The following LRRC8C variants were observed in gnomAD, a reference collection of about 807,000 sequenced individuals.
LRRC8C encodes volume-regulated anion channel subunit LRRC8C.
LRRC8C carries 20 observed loss-of-function variants against 55.3 expected under a neutral mutation model. The ratio of observed to expected loss-of-function variants is 0.36; its 90% CI spans 0.25 to 0.53. LRRC8C has a LOEUF of 0.53. Ranked by LOEUF, LRRC8C falls within the 20% of genes least tolerant of loss-of-function variation. The probability of loss-of-function intolerance (pLI) is 0.92; values close to 1 mark genes in which losing one functional copy is unlikely to be tolerated. For missense variants in LRRC8C, 659 were observed against 951.4 expected, an observed-to-expected ratio of 0.69 and a Z score of 4.04; for synonymous variants, 376 against 360.7, an observed-to-expected ratio of 1.04 and a Z score of -0.48.
intron 1 of LRRC8C, among the ~76,000 whole-genome samples, chr1:89,656,231 C>T (rs1656941758): frequency 6.6e-6 from 1 of 152,234 alleles, no homozygotes; most frequent in African/African-American, 2.4e-5. Context: ...GCCTCAGCTG[C>T]TAACCATCCT....
intron 1 of LRRC8C, among the ~76,000 whole-genome samples, chr1:89,657,539 G>A (rs1248820984): frequency 6.6e-6 from 1 of 151,872 alleles, no homozygotes; most frequent in Non-Finnish European, 1.5e-5. Context: ...TCAGGAGTTC[G>A]AGACCAGCCT....
intron 2 of LRRC8C, among the ~76,000 whole-genome samples, chr1:89,705,106 A>T (rs915794153): frequency 1.3e-5 from 2 of 151,940 alleles, no homozygotes; most frequent in African/African-American, 4.8e-5. Context: ...AAAAATGATG[A>T]GTTCATGTCC....
At chr1:89,697,934 G>C (rs1025347956) in intron 2 of LRRC8C, among the ~76,000 whole-genome samples, 5 of 152,128 alleles carry the variant, frequency 3.3e-5, no homozygotes, top group Admixed American at 6.5e-5. Context: ...TTAAAAAAAT[G>C]AACATTAATA....
chr1:89,677,191 C>T (rs1341833882), intron 1 of LRRC8C, among the ~76,000 whole-genome samples: 2 of 152,128 alleles, frequency 1.3e-5, no homozygotes, highest in Non-Finnish European at 2.9e-5. Context: ...GCCACACCCA[C>T]CAACACCCTT....
chr1:89,626,100 A>G, the LRRC8C span, among the ~76,000 whole-genome samples: 2 of 152,184 alleles, frequency 1.3e-5, no homozygotes, highest in South Asian at 4.1e-4. Context: ...ACACATGCAA[A>G]CTTTTTAGAA....
Position 89,718,595 on chromosome 1 carries a change from A to G in LRRC8C, c.*3613A>G, listed in dbSNP as rs974120045. 2.0e-5 allele frequency: 3 copies of G among 152,198 alleles called. No individual in the cohort carries two copies. Among genetic ancestry groups the G allele is most frequent in the Non-Finnish European group, 4.4e-5 (3 of 68,020 alleles). 9.4% of individuals were successfully genotyped at this position (152,198 alleles called of 1,614,324 possible). A position where few individuals can be genotyped will look rare whatever the true frequency, so the allele number is the denominator to read the frequency against. ...AATCTAATTTCATACCAAATACCTG[A>G]TCAATAGAAATGATATATTTAAGCA... On this transcript the variant is annotated 3_prime_UTR_variant, in exon 3 of 3. Coordinates refer to ENST00000370454, the MANE Select transcript of LRRC8C (RefSeq NM_032270.5).
At chr1:89,622,996 A>G in the LRRC8C span, among the ~76,000 whole-genome samples, 1 of 152,220 alleles carries the variant, frequency 6.6e-6, no homozygotes, top group Non-Finnish European at 1.5e-5. Context: ...TATTCGAGAC[A>G]CTTAAGAGAT....
At chr1:89,702,673 G>A (rs375097114) in intron 2 of LRRC8C, among the ~76,000 whole-genome samples, 1 of 151,924 alleles carries the variant, frequency 6.6e-6, no homozygotes, top group Non-Finnish European at 1.5e-5. Context: ...GAGGTGGGAG[G>A]ATCACTTGAT....
At chr1:89,618,056 T>A in the LRRC8C span, among the ~76,000 whole-genome samples, 1 of 152,116 alleles carries the variant, frequency 6.6e-6, no homozygotes, top group African/African-American at 2.4e-5. Context: ...TATGACTGAT[T>A]AAATTATTGG....
At chr1:89,633,828 C>G (rs1489082288) in intron 1 of LRRC8C, among the ~76,000 whole-genome samples, 1 of 152,186 alleles carries the variant, frequency 6.6e-6, no homozygotes, top group Non-Finnish European at 1.5e-5. Context: ...GTGAGAGCAC[C>G]GTGTGCTCAC....
chr1:89,642,382 C>A lies in LRRC8C; in HGVS notation c.-5+9060C>A, dbSNP rs139787640. ...GATTTTCATGTCAAACTAAATTTAT[C>A]TCTAAATGTGACACTTTGGGCACAG... is the stretch of plus-strand genomic sequence containing the variant. On this transcript the variant is annotated intron_variant, in intron 1 of 2. Transcript: ENST00000370454. 4.7e-3 allele frequency among the ~76,000 whole-genome samples: 721 copies of A among 152,282 alleles called. 4 individuals carry two copies. The highest frequency in any genetic ancestry group is 5.2e-3 in the East Asian group (27 of 5,182).
Position 89,714,193 on chromosome 1 carries a change from C to T in LRRC8C, c.1623C>T (p.Leu541=). Reference sequence around the variant, plus strand: ...TCACCCTTGAGTCTCTGCGGGATCTCAAAAGCCTTAAAATTCTCTCTATCA... The same window carrying T: ...TCACCCTTGAGTCTCTGCGGGATCTTAAAAGCCTTAAAATTCTCTCTATCA... ...RNVTLESLRD[L]KSLKILSIKS... The change falls in exon 3 of 3, where the codon CTC becomes CTT. Residue 541 remains leucine (L), a synonymous_variant. Transcript: ENST00000370454. This position sits in a 1 kb window ranked among gnomAD's most constrained non-coding sequence, Gnocchi z 4.6. The T allele has an allele frequency of 2.5e-6, 4 of 1,614,088 alleles. No individual in the cohort carries two copies. Among genetic ancestry groups the T allele is most frequent in the Non-Finnish European group, 3.4e-6 (4 of 1,180,020 alleles).
Position 89,686,265 on chromosome 1 carries a change from G to T in LRRC8C, c.-4-205G>T, listed in dbSNP as rs74628615. Among the ~76,000 whole-genome samples, 1,356 of 152,240 alleles carry T rather than the reference G, an allele frequency of 8.9e-3. 7 individuals carry two copies. The highest frequency in any genetic ancestry group is 0.027 in the South Asian group (128 of 4,810). On this transcript the variant is annotated intron_variant, in intron 1 of 2. Coordinates refer to ENST00000370454, the MANE Select transcript of LRRC8C (RefSeq NM_032270.5). Reference sequence around the variant, plus strand: ...GGAACCTTGTCATTGGACAAGAAAAGGCAAGTACTTGCCTTTTCCATGTGG... The same window carrying T: ...GGAACCTTGTCATTGGACAAGAAAATGCAAGTACTTGCCTTTTCCATGTGG...
In LRRC8C at chr1:89,679,413, G is replaced by A. The variant is rs112517386; in HGVS notation, c.-4-7057G>A. 3.6e-4 allele frequency among the ~76,000 whole-genome samples: 55 copies of A among 152,158 alleles called. 1 individual carries two copies. The highest frequency in any genetic ancestry group is 1.3e-3 in the African/African-American group (53 of 41,508). ...TACTTAAAATACAAAAATTAGCCGG[G>A]CGTGGTGGTACATACCTGTAGTCCC... On this transcript the variant is annotated intron_variant, in intron 1 of 2. Coordinates refer to ENST00000370454, the MANE Select transcript of LRRC8C (RefSeq NM_032270.5).
chr1:89,672,373 A>G (rs1657444323), intron 1 of LRRC8C, among the ~76,000 whole-genome samples: 1 of 152,202 alleles, frequency 6.6e-6, no homozygotes, highest in African/African-American at 2.4e-5. Flanking sequence ...TCTTTCCACC[A>G]TAATGCATGA....
intron 1 of LRRC8C, among the ~76,000 whole-genome samples, chr1:89,671,206 A>T (rs1443046435): frequency 1.3e-5 from 2 of 151,960 alleles, no homozygotes; most frequent in South Asian, 2.1e-4. Flanking sequence ...CACATATTCT[A>T]CTATAGCTTT....
rs147275787 is a variant in LRRC8C at position 89,713,861 on chromosome 1, A to G, written c.1291A>G (p.Ile431Val). The G allele has an allele frequency of 1.5e-4, 242 of 1,613,632 alleles. No individual in the cohort carries two copies. The African/African-American group carries it at 2.2e-3, about 14-fold the overall frequency. Reference protein sequence around the residue: ...NAHNRLELPLIMLSGLPDTVF... With the variant: ...NAHNRLELPLVMLSGLPDTVF... ...CCATAATCGACTGGAATTGCCTCTTATCATGCTCTCTGGCCTTCCAGACAC... is the reference window on the plus strand; with the variant it reads ...CCATAATCGACTGGAATTGCCTCTTGTCATGCTCTCTGGCCTTCCAGACAC... The change falls in exon 3 of 3, where the codon ATC (isoleucine) becomes GTC (valine). Residue 431 changes from isoleucine to valine, a missense_variant. Physicochemically the swap from Ile to Val is conservative, Grantham distance 29 (BLOSUM62 3). Around this residue, in one of 5 missense-constraint regions of LRRC8C, gnomAD observed 344 missense variants for 464.6 expected, o/e 0.74. Coordinates refer to ENST00000370454, the MANE Select transcript of LRRC8C (RefSeq NM_032270.5). This position sits in a 1 kb window ranked among gnomAD's most constrained non-coding sequence, Gnocchi z 5.2.
rs544996530 is a variant in LRRC8C, at chr1:89,718,634, A to G, written c.*3652A>G. 3 of 152,286 alleles carry G rather than the reference A, an allele frequency of 2.0e-5. No individual in the cohort carries two copies. The highest frequency in any genetic ancestry group is 6.5e-5 in the Admixed American group (1 of 15,296). The allele number at this position is 152,286 out of a possible 1,614,324, so 9.4% of individuals were successfully genotyped here. A position where few individuals can be genotyped will look rare whatever the true frequency, so the allele number is the denominator to read the frequency against. On this transcript the variant is annotated 3_prime_UTR_variant, in exon 3 of 3. Transcript: ENST00000370454. The stretch of plus-strand genomic sequence containing the variant: ...TATATTTAAGCAGCAAAGATTCCTA[A>G]TCCATCATTATGAAAAGTGTCAGCA...
In LRRC8C at chr1:89,643,621, A is replaced by G. The variant is rs1336579070; in HGVS notation, c.-5+10299A>G. Among the ~76,000 whole-genome samples, 3 of 152,244 alleles carry G rather than the reference A, an allele frequency of 2.0e-5. No individual in the cohort carries two copies. The East Asian group carries it at 5.8e-4, about 29-fold the overall frequency. On this transcript the variant is annotated intron_variant, in intron 1 of 2. Coordinates refer to ENST00000370454, the MANE Select transcript of LRRC8C (RefSeq NM_032270.5). Reference sequence around the variant, plus strand: ...GTTTATGTAAATGATCATTAACAAAAATGAGTTGTGTTTTTGTAAGTTTAC... The same window carrying G: ...GTTTATGTAAATGATCATTAACAAAGATGAGTTGTGTTTTTGTAAGTTTAC...
Sources: allele counts gnomAD v4.1 joint callset (sites outside exome capture counted in the v4.1 genomes callset), GRCh38; gene constraint gnomAD v4.1.1; regional missense constraint gnomAD v4.1.1; non-coding constraint Gnocchi (gnomAD v3.1); transcripts MANE v1.5; gene names NCBI Gene and HGNC (gene_info 2026-07-23, HGNC 2026-07-21).